Variants in PTGIS observed in about 807,000 individuals in gnomAD.
PTGIS encodes prostaglandin I2 synthase.
In PTGIS, 45 loss-of-function variants were observed where a neutral mutation model predicts 50.3. The ratio of observed to expected loss-of-function variants is 0.90; its 90% CI spans 0.70 to 1.15. The LOEUF is 1.15. PTGIS is among the 50% of genes most tolerant of loss of function. The probability of loss-of-function intolerance (pLI) is 0.00; values close to 1 mark genes in which losing one functional copy is unlikely to be tolerated. For synonymous variants in PTGIS, 260 were observed against 267.7 expected (o/e 0.97, Z 0.28); for missense variants, 668 against 661.3 (o/e 1.01, Z -0.11).
intron 5 of PTGIS, among the ~76,000 whole-genome samples, chr20:49,525,381 G>C (rs965225453): frequency 7.9e-5 from 12 of 152,158 alleles, no homozygotes; most frequent in African/African-American, 2.9e-4. Flanking sequence ...ATCTCTGAAG[G>C]TCAACTTTGG....
intron 5 of PTGIS, among the ~76,000 whole-genome samples, chr20:49,537,825 G>C (rs926463859): frequency 3.3e-5 from 5 of 152,140 alleles, no homozygotes; most frequent in African/African-American, 1.2e-4. Flanking sequence ...TGCACTGAAA[G>C]ATACGTACAA....
At chr20:49,530,293 G>C (rs1161448743) in intron 5 of PTGIS, among the ~76,000 whole-genome samples, 1 of 152,166 alleles carries the variant, frequency 6.6e-6, no homozygotes, top group Non-Finnish European at 1.5e-5. Flanking sequence ...TTAAGAGGGG[G>C]CCATTGTACC....
At chr20:49,567,407 A>G (rs1982927344) in intron 1 of PTGIS, among the ~76,000 whole-genome samples, 1 of 152,164 alleles carries the variant, frequency 6.6e-6, no homozygotes, top group Admixed American at 6.5e-5. Flanking sequence ...CATAGGCCTC[A>G]GTTTCTCCCT....
Position 49,544,279 on chromosome 20 carries a change from G to A in PTGIS, c.521+26C>T, listed in dbSNP as rs768338314. ...CAGGTCAAAGTGCCGGGCCCCAGCA[G>A]GAGGGTGGGGGCTGCACAGCCTCAC... On this transcript the variant is annotated intron_variant, in intron 4 of 9. Coordinates refer to ENST00000244043, the MANE Select transcript of PTGIS (RefSeq NM_000961.4). The A allele has an allele frequency of 2.7e-5, 44 of 1,613,274 alleles. 1 individual carries two copies. Among genetic ancestry groups the A allele is most frequent in the Middle Eastern group, 3.3e-4 (2 of 6,080 alleles).
At chr20:49,509,665 C>G (rs1253955375) in intron 9 of PTGIS, among the ~76,000 whole-genome samples, 2 of 152,136 alleles carry the variant, frequency 1.3e-5, no homozygotes, top group Non-Finnish European at 2.9e-5. Context: ...ATAAAATATA[C>G]ACATGCACAC....
intron 5 of PTGIS, among the ~76,000 whole-genome samples, chr20:49,528,731 G>C (rs1021221981): frequency 6.6e-6 from 1 of 152,142 alleles, no homozygotes; most frequent in African/African-American, 2.4e-5. Flanking sequence ...CCTTACCCAA[G>C]AGTTATCTAT....
intron 1 of PTGIS, among the ~76,000 whole-genome samples, chr20:49,559,140 C>T (rs749124226): frequency 1.3e-5 from 2 of 152,068 alleles, no homozygotes; most frequent in Non-Finnish European, 2.9e-5. Context: ...CCTGCTGTCC[C>T]GATATTTTAT....
At chr20:49,510,910 C>T in intron 9 of PTGIS, 118 bp downstream of exon 9, 5 of 927,384 alleles carry the variant, frequency 5.4e-6, no homozygotes, top group Non-Finnish European at 8.6e-6. Flanking sequence ...CACGGGCTGT[C>T]CATGTGAAGC....
At chr20:49,539,370 C>G (rs1054352949) in intron 5 of PTGIS, among the ~76,000 whole-genome samples, 200 bp downstream of exon 5, 27 of 152,236 alleles carry the variant, frequency 1.8e-4, no homozygotes, top group African/African-American at 6.5e-4. Flanking sequence ...GAATTTCCAC[C>G]AGGAACCCAA....
Position 49,550,207 on chromosome 20 carries a change from C to A in PTGIS, c.75-18G>T. ...CAGGTCGCCTACAGAAGCCATGGCA[C>A]TTGTCACCATTTGATAAGGCAAGGA... On this transcript the variant is annotated intron_variant, in intron 1 of 9. Coordinates refer to ENST00000244043, the MANE Select transcript of PTGIS (RefSeq NM_000961.4). 6.2e-7 allele frequency: 1 copy of A among 1,610,754 alleles called. No homozygotes were observed. Among genetic ancestry groups the A allele is most frequent in the Non-Finnish European group, 8.5e-7 (1 of 1,179,938 alleles).
intron 1 of PTGIS, among the ~76,000 whole-genome samples, chr20:49,566,315 C>T (rs1456419493): frequency 6.6e-6 from 1 of 152,226 alleles, no homozygotes; most frequent in Non-Finnish European, 1.5e-5. Flanking sequence ...TGGATTCGAT[C>T]TCCTTGTAGC....
At chr20:49,514,421 G>T in intron 6 of PTGIS, 26 bp from the exon 7 acceptor site, 1 of 1,610,690 alleles carries the variant, frequency 6.2e-7, no homozygotes, top group Non-Finnish European at 8.5e-7. Context: ...CCCCTGTTAT[G>T]CCATTATGAG....
At chr20:49,566,799 T>C (rs1298397396) in intron 1 of PTGIS, among the ~76,000 whole-genome samples, 1 of 152,162 alleles carries the variant, frequency 6.6e-6, no homozygotes, top group Non-Finnish European at 1.5e-5. Flanking sequence ...TGTGGTAACT[T>C]GGGGCCGGAT....
chr20:49,538,203 C>T lies in PTGIS; in HGVS notation c.673+1367G>A, dbSNP rs537456038. ...CCAGGAGATTGAGGCTGCAGTGAGCCGAGATCGCACCACTGCACTCCAGCC... is the reference window on the plus strand; with the variant it reads ...CCAGGAGATTGAGGCTGCAGTGAGCTGAGATCGCACCACTGCACTCCAGCC... On this transcript the variant is annotated intron_variant, in intron 5 of 9. Coordinates refer to ENST00000244043, the MANE Select transcript of PTGIS (RefSeq NM_000961.4). 3.5e-3 allele frequency among the ~76,000 whole-genome samples: 493 copies of T among 140,134 alleles called. 1 individual carries two copies. Among genetic ancestry groups the T allele is most frequent in the Middle Eastern group, 8.0e-3 (2 of 250 alleles). The allele number at this position is 140,134 out of a possible 152,430, so 91.9% of individuals were successfully genotyped here.
rs148585930 is a variant in PTGIS, at chr20:49,557,157, A to G, written c.75-6968T>C. ...TCTTTGTGTGATGTGAGACTTCACA[A>G]CCTACTAAAACTGAGCTTTCCTAAC... On this transcript the variant is annotated intron_variant, in intron 1 of 9. Transcript: ENST00000244043. Among the ~76,000 whole-genome samples, 3 of 152,240 alleles carry G rather than the reference A, an allele frequency of 2.0e-5. No individual in the cohort carries two copies. In the East Asian group the frequency reaches 5.8e-4, roughly 29 times the overall value.
At chr20:49,508,615 C>T (rs1281106123) in intron 9 of PTGIS, among the ~76,000 whole-genome samples, 2 of 152,340 alleles carry the variant, frequency 1.3e-5, no homozygotes, top group South Asian at 2.1e-4. Flanking sequence ...CTCCTGGAAC[C>T]CTCACTGTCT....
chr20:49,515,858 A>T (rs1243397951), intron 6 of PTGIS, among the ~76,000 whole-genome samples: 1 of 152,086 alleles, frequency 6.6e-6, no homozygotes, highest in African/African-American at 2.4e-5. Flanking sequence ...GTTTAAAGAG[A>T]AATATACATG....
rs73598390 is a variant in PTGIS at position 49,507,959 on chromosome 20, C to T, written c.1464G>A (p.Pro488=). ...LSRYGFGLMQ[P]EHDVPVRYRI... ...GGTAGCGGACGGGCACGTCGTGTTC[C>T]GGCTGCATCAGACCGAAGCCGTACC... The change falls in exon 10 of 10, where the codon CCG becomes CCA. Residue 488 remains proline (P), a synonymous_variant. Transcript: ENST00000244043. 20 of 1,613,374 alleles carry T rather than the reference C, an allele frequency of 1.2e-5. No individual in the cohort carries two copies. Among genetic ancestry groups the T allele is most frequent in the East Asian group, 2.2e-5 (1 of 44,892 alleles).
chr20:49,538,696 TTTATTTAA>T (rs200440139), intron 5 of PTGIS, among the ~76,000 whole-genome samples: 3,686 of 148,500 alleles, frequency 0.025, 152 homozygotes, highest in African/African-American at 0.089. Context: ...TATTTATTTA[TTTATTTAA>T]GACAGAGTCT....
Sources: gnomAD v4.1 joint callset for allele counts (sites outside exome capture counted in the v4.1 genomes callset) on GRCh38, gnomAD v4.1.1 for gene constraint, MANE v1.5 for transcripts, NCBI Gene and HGNC (gene_info 2026-07-23, HGNC 2026-07-21) for gene names.